Variants in FNBP1 observed in about 807,000 individuals in gnomAD.
FNBP1 encodes formin binding protein 1.
Under a neutral mutation model 90.6 loss-of-function variants are expected in FNBP1, and 26 were observed. The observed-to-expected ratio is 0.29, with a 90% CI of 0.21 to 0.40. The LOEUF (loss-of-function observed/expected upper bound fraction) is 0.40. Ranked by LOEUF, FNBP1 falls within the 10% of genes least tolerant of loss-of-function variation. FNBP1 has a pLI of 1.00. For missense variants in FNBP1, 635 were observed against 768.0 expected (o/e 0.83, Z 2.05); for synonymous variants, 260 against 265.2 (o/e 0.98, Z 0.19).
At chr9:130,032,674 C>T (rs1431428708) in intron 1 of FNBP1, among the ~76,000 whole-genome samples, 4 of 152,038 alleles carry the variant, frequency 2.6e-5, no homozygotes, top group African/African-American at 9.6e-5. Flanking sequence ...CAGAATAATT[C>T]ATTAGATGTT....
At chr9:129,930,539 A>C (rs933389293) in intron 6 of FNBP1, among the ~76,000 whole-genome samples, 5 of 152,284 alleles carry the variant, frequency 3.3e-5, no homozygotes, top group Admixed American at 1.3e-4. Flanking sequence ...TTTTTTGAGG[A>C]GTGCTATTTT....
At chr9:130,022,877 G>A (rs570640) in intron 1 of FNBP1, among the ~76,000 whole-genome samples, 143,642 of 152,250 alleles carry the variant, frequency 0.94, 67,833 homozygotes, top group East Asian at 0.99. Flanking sequence ...GGGGTTGGCC[G>A]TGTTGCCCAG....
intron 1 of FNBP1, among the ~76,000 whole-genome samples, chr9:130,023,094 T>C (rs2058005879): frequency 2.0e-5 from 3 of 150,356 alleles, no homozygotes; most frequent in Admixed American, 2.0e-4. Context: ...TACCAAAAAG[T>C]GTGACTAGTA....
At chr9:129,954,167 T>C (rs1037902140) in intron 6 of FNBP1, among the ~76,000 whole-genome samples, 7 of 152,132 alleles carry the variant, frequency 4.6e-5, no homozygotes, top group Non-Finnish European at 1.0e-4. Flanking sequence ...TATGGGCAAC[T>C]TTTTGCCAAT....
chr9:129,951,683 G>A (rs1345203125), intron 6 of FNBP1, among the ~76,000 whole-genome samples: 4 of 151,774 alleles, frequency 2.6e-5, no homozygotes, highest in East Asian at 2.0e-4. Context: ...GGGCTTAAGC[G>A]ATCCTCCCGC....
Position 129,957,613 on chromosome 9 carries a change from G to A in FNBP1, c.409-149C>T, listed in dbSNP as rs578023821. ...GTCACCCAGGCTGGAGTGCAGTGGC[G>A]CCATCTTGGCTCACTGCAGCTTTGA... is the stretch of plus-strand genomic sequence containing the variant. On this transcript the variant is annotated intron_variant, in intron 5 of 16. Coordinates refer to ENST00000446176, the MANE Select transcript of FNBP1 (RefSeq NM_015033.3). This position sits in a 1 kb window ranked among gnomAD's most constrained non-coding sequence, Gnocchi z 4.3. 9.5e-5 allele frequency: 63 copies of A among 659,728 alleles called. No homozygotes were observed. The highest frequency in any genetic ancestry group is 8.7e-4 in the African/African-American group (47 of 54,138). 40.9% of individuals were successfully genotyped at this position (659,728 alleles called of 1,614,324 possible).
Position 129,888,532 on chromosome 9 carries a change from G to T in FNBP1, c.*2007C>A, listed in dbSNP as rs925609820. On this transcript the variant is annotated 3_prime_UTR_variant, in exon 17 of 17. Transcript: ENST00000446176. ...AGTCAGTCCTCCTGCGTGACTGATGGGTGCACCACGCTTAGGTCACCCGTT... is the reference window on the plus strand; with the variant it reads ...AGTCAGTCCTCCTGCGTGACTGATGTGTGCACCACGCTTAGGTCACCCGTT... The T allele has an allele frequency of 1.7e-5, 4 of 232,834 alleles. No homozygotes were observed. Among genetic ancestry groups the T allele is most frequent in the African/African-American group, 8.8e-5 (4 of 45,316 alleles). 14.4% of individuals were successfully genotyped at this position (232,834 alleles called of 1,614,324 possible).
intron 12 of FNBP1, among the ~76,000 whole-genome samples, chr9:129,907,728 G>T (rs1021336338): frequency 6.6e-6 from 1 of 151,778 alleles, no homozygotes; most frequent in Non-Finnish European, 1.5e-5. Flanking sequence ...AATGGGTTTT[G>T]ATTTTTTTGT....
At chr9:129,902,735 TA>T in intron 13 of FNBP1, 133 bp downstream of exon 13, 1 of 803,834 alleles carries the variant, frequency 1.2e-6, no homozygotes, top group Non-Finnish European at 1.9e-6. Context: ...CCTTTGACCA[TA>T]ACTCCTGAAA....
intron 1 of FNBP1, among the ~76,000 whole-genome samples, chr9:130,017,499 A>G (rs1475246381): frequency 6.6e-6 from 1 of 152,176 alleles, no homozygotes; most frequent in Admixed American, 6.6e-5. Context: ...CTTCTAGGCA[A>G]ATGTGAATGT....
chr9:130,003,642 G>C lies in FNBP1; in HGVS notation c.25-8684C>G, dbSNP rs546248063. On this transcript the variant is annotated intron_variant, in intron 1 of 16. Transcript: ENST00000446176. ...CAAAAACTAACAAAAAAGTAGTCTT[G>C]GCCAGGCACGGTGGCTCACGCCTGT... 1.4e-3 allele frequency among the ~76,000 whole-genome samples: 216 copies of C among 150,010 alleles called. 1 individual carries two copies. Among genetic ancestry groups the C allele is most frequent in the African/African-American group, 5.0e-3 (205 of 40,752 alleles).
intron 4 of FNBP1, among the ~76,000 whole-genome samples, chr9:129,970,145 T>C (rs1328549836): frequency 3.3e-5 from 5 of 151,876 alleles, no homozygotes; most frequent in Admixed American, 6.6e-5. Context: ...GACCTCATGA[T>C]CCCCCTACCT....
intron 1 of FNBP1, among the ~76,000 whole-genome samples, chr9:130,025,915 C>G (rs779710086): frequency 6.6e-6 from 1 of 152,014 alleles, no homozygotes; most frequent in Non-Finnish European, 1.5e-5. Flanking sequence ...CAGAGACAGA[C>G]TCTATCTCAA....
At chr9:129,920,457 A>G in intron 10 of FNBP1, among the ~76,000 whole-genome samples, 1 of 152,100 alleles carries the variant, frequency 6.6e-6, no homozygotes, top group Non-Finnish European at 1.5e-5. Context: ...GTGCACCACC[A>G]TGCCCAGCTA....
intron 1 of FNBP1, among the ~76,000 whole-genome samples, chr9:130,024,004 C>A (rs546072689): frequency 3.9e-4 from 60 of 152,292 alleles, no homozygotes; most frequent in African/African-American, 1.4e-3. Flanking sequence ...AATCAACATA[C>A]ATATAACCTT....
chr9:129,958,440 A>T, intron 5 of FNBP1, 51 bp downstream of exon 5: 1 of 934,954 alleles, frequency 1.1e-6, no homozygotes, highest in Non-Finnish European at 1.5e-6. Context: ...TCAAAAAAAA[A>T]GAAAAAAAAA....
chr9:129,937,603 T>G (rs1444174982), intron 6 of FNBP1, among the ~76,000 whole-genome samples: 4 of 151,098 alleles, frequency 2.6e-5, no homozygotes, highest in Non-Finnish European at 5.9e-5. Flanking sequence ...TGGTGGCACG[T>G]GCCTGTAATC....
chr9:130,016,697 C>A (rs1260742510), intron 1 of FNBP1, among the ~76,000 whole-genome samples: 5 of 152,116 alleles, frequency 3.3e-5, no homozygotes, highest in Non-Finnish European at 7.4e-5. Context: ...GAGCCAAGAT[C>A]TCGCCATTGC....
At chr9:129,919,285 T>A in intron 10 of FNBP1, 1 of 1,029,470 alleles carries the variant, frequency 9.7e-7, no homozygotes, top group Non-Finnish European at 1.3e-6. Context: ...TAAATAAAAT[T>A]AACCATAAGA....
Sources: allele counts gnomAD v4.1 joint callset (sites outside exome capture counted in the v4.1 genomes callset), GRCh38; gene constraint gnomAD v4.1.1; non-coding constraint Gnocchi (gnomAD v3.1); transcripts MANE v1.5; gene names NCBI Gene and HGNC (gene_info 2026-07-23, HGNC 2026-07-21).